TANGO6: variants seen among roughly 807,000 people sequenced by gnomAD.
TANGO6 encodes the protein transport and golgi organization 6 homolog, also known as transport and Golgi organization protein 6 homolog.
TANGO6 carries 90 observed loss-of-function variants against 114.2 expected under a neutral mutation model. The ratio of observed to expected loss-of-function variants is 0.79; its 90% CI spans 0.66 to 0.94. The LOEUF is 0.94. Among genes scored for constraint, TANGO6 ranks in the 40% least tolerant of loss-of-function variants. TANGO6 has a pLI of 0.00. For missense variants in TANGO6, 1,274 were observed against 1,315.3 expected, an observed-to-expected ratio of 0.97 and a Z score of 0.49; for synonymous variants, 477 against 509.8, an observed-to-expected ratio of 0.94 and a Z score of 0.87.
At chr16:68,875,083 A>T in intron 4 of TANGO6, 71 bp from the exon 5 acceptor site, 3 of 1,480,098 alleles carry the variant, frequency 2.0e-6, no homozygotes, top group Non-Finnish European at 2.7e-6. Context: ...AAATTTTAAG[A>T]CAAATTTGTT....
intron 15 of TANGO6, among the ~76,000 whole-genome samples, chr16:69,013,654 C>CT (rs1221505040): frequency 0.076 from 9,772 of 128,098 alleles, 567 homozygotes; most frequent in African/African-American, 0.12. Flanking sequence ...CCTTAAGTTC[C>CT]TTTTTTTTTT....
intron 11 of TANGO6, among the ~76,000 whole-genome samples, chr16:68,915,974 G>A (rs1470776587): frequency 2.6e-5 from 4 of 152,092 alleles, no homozygotes; most frequent in Non-Finnish European, 5.9e-5. Context: ...ATGCATGTGT[G>A]TGTGCATGCA....
chr16:68,924,191 T>C (rs1317459435), intron 12 of TANGO6, among the ~76,000 whole-genome samples: 1 of 142,056 alleles, frequency 7.0e-6, no homozygotes, highest in East Asian at 1.9e-4. Flanking sequence ...TTCTCTCTAA[T>C]TCTTTTGCTT....
chr16:68,931,192 G>A (rs886899618), intron 14 of TANGO6, among the ~76,000 whole-genome samples: 1 of 152,144 alleles, frequency 6.6e-6, no homozygotes, highest in African/African-American at 2.4e-5. Context: ...CTCCATCAGC[G>A]AGGTACAGTC....
chr16:69,002,280 G>A (rs1027434097), intron 15 of TANGO6, among the ~76,000 whole-genome samples: 7 of 152,056 alleles, frequency 4.6e-5, no homozygotes, highest in Non-Finnish European at 8.8e-5. Flanking sequence ...TAAGATCCAA[G>A]AAAAGGCATA....
chr16:69,070,840 C>A (rs1002836843), intron 17 of TANGO6, among the ~76,000 whole-genome samples: 1 of 150,966 alleles, frequency 6.6e-6, no homozygotes, highest in African/African-American at 2.4e-5. Context: ...ATGGGGTGGT[C>A]TTGGCTCACT....
intron 14 of TANGO6, among the ~76,000 whole-genome samples, chr16:68,962,800 G>A (rs1455274131): frequency 2.6e-5 from 4 of 151,830 alleles, no homozygotes; most frequent in East Asian, 2.0e-4. Flanking sequence ...TCAAAAAAGC[G>A]GCCGGGCGCG....
At chr16:68,883,270 G>A (rs927764528) in intron 7 of TANGO6, among the ~76,000 whole-genome samples, 2 of 152,220 alleles carry the variant, frequency 1.3e-5, no homozygotes, top group Admixed American at 1.3e-4. Flanking sequence ...GGGAGGCCAA[G>A]ATGAGTGGAT....
chr16:69,083,656 C>G lies in TANGO6; in HGVS notation c.3280C>G (p.Pro1094Ala). ...QKLEKKIMVL[P>A] Reference sequence around the variant, plus strand: ...GCTGGAGAAGAAGATCATGGTCCTGCCGTAGACCTGGCTCCAAGGACGTGG... The same window carrying G: ...GCTGGAGAAGAAGATCATGGTCCTGGCGTAGACCTGGCTCCAAGGACGTGG... The change falls in exon 18 of 18, where the codon CCG (proline) becomes GCG (alanine). Residue 1094 changes from proline to alanine, a missense_variant. Coordinates refer to ENST00000261778, the MANE Select transcript of TANGO6 (RefSeq NM_024562.2). 1 of 1,557,488 alleles carries G rather than the reference C, an allele frequency of 6.4e-7. No individual in the cohort carries two copies. Among genetic ancestry groups the G allele is most frequent in the South Asian group, 1.2e-5 (1 of 84,438 alleles).
intron 6 of TANGO6, among the ~76,000 whole-genome samples, chr16:68,878,531 A>G (rs1470413568): frequency 6.6e-6 from 1 of 152,168 alleles, no homozygotes; most frequent in Non-Finnish European, 1.5e-5. Flanking sequence ...TTCTATACAT[A>G]TAAACATGTC....
intron 17 of TANGO6, among the ~76,000 whole-genome samples, chr16:69,066,895 A>G (rs1415058073): frequency 6.6e-6 from 1 of 152,004 alleles, no homozygotes; most frequent in Non-Finnish European, 1.5e-5. Context: ...TCTACAAAAA[A>G]TTTGTTTTTG....
At chr16:69,080,590 CAT>C (rs1321605801) in intron 17 of TANGO6, among the ~76,000 whole-genome samples, 6 of 152,152 alleles carry the variant, frequency 3.9e-5, no homozygotes, top group African/African-American at 1.2e-4. Flanking sequence ...GAAATATACA[CAT>C]GTGTGCTTGT....
chr16:69,052,373 A>G (rs1286719146), intron 17 of TANGO6, among the ~76,000 whole-genome samples: 2 of 151,232 alleles, frequency 1.3e-5, no homozygotes, highest in East Asian at 1.9e-4. Context: ...GGCTTAAGCA[A>G]TCCTCCCACT....
intron 6 of TANGO6, among the ~76,000 whole-genome samples, chr16:68,880,271 C>T (rs1962438024): frequency 6.6e-6 from 1 of 152,110 alleles, no homozygotes; most frequent in African/African-American, 2.4e-5. Context: ...CACACCTGGC[C>T]TAAAATGAAA....
chr16:68,894,688 G>A (rs928379498), intron 7 of TANGO6, among the ~76,000 whole-genome samples: 1 of 152,000 alleles, frequency 6.6e-6, no homozygotes, highest in East Asian at 1.9e-4. Context: ...AGTATTGAGA[G>A]GCCAGGGGTA....
rs1389287910 is a variant in TANGO6 at position 68,852,664 on chromosome 16, C to G, written c.95-7220C>G. Among the ~76,000 whole-genome samples the G allele has an allele frequency of 3.9e-5, 6 of 151,942 alleles. No individual in the cohort carries two copies. The East Asian group carries it at 1.2e-3, about 30-fold the overall frequency. On this transcript the variant is annotated intron_variant, in intron 1 of 17. Coordinates refer to ENST00000261778, the MANE Select transcript of TANGO6 (RefSeq NM_024562.2). Reference sequence around the variant, plus strand: ...GGGCAACATAGTGAGACCCCCACATCTCTACAAAAGATGAAAAAATTAGTC... The same window carrying G: ...GGGCAACATAGTGAGACCCCCACATGTCTACAAAAGATGAAAAAATTAGTC...
intron 17 of TANGO6, among the ~76,000 whole-genome samples, chr16:69,041,109 A>G (rs1959766382): frequency 6.6e-6 from 1 of 152,120 alleles, no homozygotes; most frequent in South Asian, 2.1e-4. Context: ...ATCTGTGGCT[A>G]ACACATCAGT....
intron 17 of TANGO6, among the ~76,000 whole-genome samples, chr16:69,077,859 A>ATGG (rs1246560739): frequency 1.3e-5 from 2 of 152,126 alleles, no homozygotes; most frequent in African/African-American, 2.4e-5. Flanking sequence ...AAGGCAAAAC[A>ATGG]TGGCCTCAGT....
Position 68,919,179 on chromosome 16 carries a change from C to T in TANGO6, c.2087C>T (p.Ser696Phe), listed in dbSNP as rs1181479742. ...STVESQTLSMSMGLVAVMLGG... is the reference protein window; with the variant it reads ...STVESQTLSMFMGLVAVMLGG... ...GTGGAATCACAGACGCTGAGCATGTCCATGGGGCTGGTGGCTGTCATGCTA... is the reference window on the plus strand; with the variant it reads ...GTGGAATCACAGACGCTGAGCATGTTCATGGGGCTGGTGGCTGTCATGCTA... The change falls in exon 12 of 18, where the codon TCC (serine) becomes TTC (phenylalanine). Residue 696 changes from serine to phenylalanine, a missense_variant. Around this residue, in one of 5 missense-constraint regions of TANGO6, gnomAD observed 908 missense variants for 910.2 expected, o/e 1.00. Transcript: ENST00000261778. 4.4e-5 allele frequency: 71 copies of T among 1,612,634 alleles called. No individual in the cohort carries two copies. Among genetic ancestry groups the T allele is most frequent in the Non-Finnish European group, 6.0e-5 (71 of 1,179,492 alleles).
Sources: gnomAD v4.1 joint callset for allele counts (sites outside exome capture counted in the v4.1 genomes callset) on GRCh38, gnomAD v4.1.1 for gene constraint, gnomAD v4.1.1 regional missense constraint, MANE v1.5 for transcripts, NCBI Gene and HGNC (gene_info 2026-07-23, HGNC 2026-07-21) for gene names.